EDIL3: variants seen among roughly 807,000 people sequenced by gnomAD.
EDIL3 encodes EGF-like repeat and discoidin I-like domain-containing protein 3.
In EDIL3, 37 loss-of-function variants were observed where a neutral mutation model predicts 67.4. That is an observed-to-expected ratio of 0.55 (90% confidence interval 0.42 to 0.72). The LOEUF (loss-of-function observed/expected upper bound fraction) is 0.72. EDIL3 is among the 30% of genes least tolerant of loss of function. EDIL3 has a pLI of 0.00. For synonymous variants in EDIL3, 195 were observed against 196.3 expected, an observed-to-expected ratio of 0.99 and a Z score of 0.05; for missense variants, 527 against 586.3, an observed-to-expected ratio of 0.90 and a Z score of 1.04.
intron 9 of EDIL3, among the ~76,000 whole-genome samples, chr5:84,027,863 G>A (rs1449552822): frequency 2.0e-5 from 3 of 152,048 alleles, no homozygotes; most frequent in Non-Finnish European, 4.4e-5. Flanking sequence ...TGTAATATTG[G>A]TGCCCCTGAC....
chr5:84,120,745 G>T (rs2033753718), intron 5 of EDIL3, among the ~76,000 whole-genome samples: 1 of 151,920 alleles, frequency 6.6e-6, no homozygotes, highest in Non-Finnish European at 1.5e-5. Context: ...TTAATCACAT[G>T]AAACCAAAGG....
chr5:84,058,249 C>A (rs2112233091), intron 9 of EDIL3, among the ~76,000 whole-genome samples: 1 of 152,058 alleles, frequency 6.6e-6, no homozygotes, highest in Middle Eastern at 3.4e-3. Flanking sequence ...GCAAAAAACT[C>A]TTAGGTTATA....
intron 9 of EDIL3, among the ~76,000 whole-genome samples, chr5:83,980,551 G>C (rs1009732603): frequency 1.3e-5 from 2 of 151,392 alleles, no homozygotes; most frequent in Non-Finnish European, 2.9e-5. Flanking sequence ...AGCTGGGCCT[G>C]GTGGCGCACA....
intron 5 of EDIL3, among the ~76,000 whole-genome samples, chr5:84,111,863 G>A (rs1390144244): frequency 6.6e-6 from 1 of 152,146 alleles, no homozygotes; most frequent in African/African-American, 2.4e-5. Context: ...GGCAGATATT[G>A]TGTTGGTGAA....
At chr5:84,288,871 C>CT (rs370031736) in intron 1 of EDIL3, among the ~76,000 whole-genome samples, 46 of 146,394 alleles carry the variant, frequency 3.1e-4, no homozygotes, top group Middle Eastern at 3.5e-3. Flanking sequence ...CAAGAATAGA[C>CT]TTTTTTTTTT....
At chr5:84,099,660 T>C (rs1486538464) in intron 6 of EDIL3, among the ~76,000 whole-genome samples, 2 of 152,070 alleles carry the variant, frequency 1.3e-5, no homozygotes, top group East Asian at 3.9e-4. Context: ...ATTCAGGACA[T>C]AGGCATGGGC....
At chr5:84,161,346 TATGACTA>T (rs147597956) in intron 4 of EDIL3, among the ~76,000 whole-genome samples, 1,542 of 152,202 alleles carry the variant, frequency 0.01, 26 homozygotes, top group African/African-American at 0.036. Context: ...CTGGGTTTGT[TATGACTA>T]ATGCTTAACT....
At chr5:84,376,553 G>C (rs1464858742) in intron 1 of EDIL3, among the ~76,000 whole-genome samples, 1 of 152,190 alleles carries the variant, frequency 6.6e-6, no homozygotes, top group Non-Finnish European at 1.5e-5. Flanking sequence ...TCTTGCAGGA[G>C]TGTTGAGAAA....
At chr5:84,281,899 G>A (rs1745711245) in intron 1 of EDIL3, among the ~76,000 whole-genome samples, 1 of 110,438 alleles carries the variant, frequency 9.1e-6, no homozygotes, top group Admixed American at 1.4e-4. Context: ...GTCTCACTCT[G>A]TCACCTGGAC....
At chr5:84,336,106 A>C (rs932004748) in intron 1 of EDIL3, among the ~76,000 whole-genome samples, 3 of 152,214 alleles carry the variant, frequency 2.0e-5, no homozygotes, top group African/African-American at 7.2e-5. Flanking sequence ...CATGAATTTT[A>C]GGAGGACACA....
chr5:84,134,625 C>T (rs1255756299), intron 5 of EDIL3, among the ~76,000 whole-genome samples: 1 of 152,114 alleles, frequency 6.6e-6, no homozygotes, highest in African/African-American at 2.4e-5. Context: ...TCTAGATTTT[C>T]TAAAATCTCT....
At chr5:84,102,631 A>G (rs1747388143) in intron 6 of EDIL3, among the ~76,000 whole-genome samples, 1 of 151,828 alleles carries the variant, frequency 6.6e-6, no homozygotes, top group African/African-American at 2.4e-5. Context: ...AAAACAAAAA[A>G]AAAACGAAAA....
intron 3 of EDIL3, among the ~76,000 whole-genome samples, chr5:84,218,378 G>A (rs979525268): frequency 1.3e-5 from 2 of 152,178 alleles, no homozygotes; most frequent in Non-Finnish European, 2.9e-5. Context: ...TCAGAAATAA[G>A]GCTGAGTAAA....
At chr5:84,020,939 A>C (rs1472128024) in intron 9 of EDIL3, among the ~76,000 whole-genome samples, 1 of 152,098 alleles carries the variant, frequency 6.6e-6, no homozygotes. Flanking sequence ...AAGTAAAAGT[A>C]AGTCAGAGAG....
At chr5:83,947,513 T>C (rs187644519) in intron 10 of EDIL3, among the ~76,000 whole-genome samples, 41 of 151,904 alleles carry the variant, frequency 2.7e-4, no homozygotes, top group Non-Finnish European at 5.9e-5. Flanking sequence ...AGAACAGTCT[T>C]TGGTAGCTCT....
At chr5:84,189,173 C>T (rs1743527562) in intron 3 of EDIL3, among the ~76,000 whole-genome samples, 1 of 151,900 alleles carries the variant, frequency 6.6e-6, no homozygotes, top group African/African-American at 2.4e-5. Flanking sequence ...GGTGGATAAG[C>T]TTTGATGGTG....
intron 1 of EDIL3, among the ~76,000 whole-genome samples, chr5:84,358,741 C>G (rs1161432616): frequency 6.6e-6 from 1 of 151,658 alleles, no homozygotes; most frequent in African/African-American, 2.4e-5. Flanking sequence ...TCCCGAGTAG[C>G]TGGGACTACA....
At chr5:84,229,107 T>C (rs1744509734) in intron 3 of EDIL3, among the ~76,000 whole-genome samples, 1 of 152,166 alleles carries the variant, frequency 6.6e-6, no homozygotes, top group Non-Finnish European at 1.5e-5. Flanking sequence ...CTTTTATTAA[T>C]TAATCAAGTG....
intron 3 of EDIL3, 149 bp downstream of exon 3, chr5:84,229,706 G>T (rs915445940): frequency 7.9e-6 from 6 of 763,746 alleles, no homozygotes; most frequent in Non-Finnish European, 1.2e-5. Context: ...ACAGCATAGT[G>T]AGCTCAGCAA....
Sources: gnomAD v4.1 joint callset for allele counts (sites outside exome capture counted in the v4.1 genomes callset) on GRCh38, gnomAD v4.1.1 for gene constraint, MANE v1.5 for transcripts, NCBI Gene and HGNC (gene_info 2026-07-23, HGNC 2026-07-21) for gene names.